Variants in AGBL4 observed in about 807,000 individuals in gnomAD.
The protein encoded by AGBL4 is AGBL carboxypeptidase 4.
AGBL4 carries 58 observed loss-of-function variants against 66.4 expected under a neutral mutation model. The ratio of observed to expected loss-of-function variants is 0.87; its 90% CI spans 0.71 to 1.09. The LOEUF (loss-of-function observed/expected upper bound fraction) is 1.09. AGBL4 is among the 50% of genes least tolerant of loss of function. AGBL4 has a pLI of 0.00. For synonymous variants in AGBL4, 234 were observed against 222.9 expected (o/e 1.05, Z -0.44); for missense variants, 579 against 631.0 (o/e 0.92, Z 0.88).
intron 3 of AGBL4, among the ~76,000 whole-genome samples, chr1:49,638,490 T>C (rs568069517): frequency 2.0e-5 from 3 of 152,324 alleles, no homozygotes; most frequent in South Asian, 2.1e-4. Context: ...AGTACGGATA[T>C]AGTTTCGCTG....
intron 3 of AGBL4, among the ~76,000 whole-genome samples, chr1:49,611,438 G>T (rs569286443): frequency 1.4e-5 from 2 of 147,546 alleles, no homozygotes; most frequent in Non-Finnish European, 3.0e-5. Context: ...GTGCAGTGGC[G>T]CAATCTCAAC....
rs1165580889 is a variant in AGBL4 at position 48,590,830 on chromosome 1, T to C, written c.1104+3A>G. On this transcript the variant is annotated splice_donor_region_variant and intron_variant, in intron 10 of 13. Coordinates refer to ENST00000371839, the MANE Select transcript of AGBL4 (RefSeq NM_032785.4). ...GCTGGCTGAGAGAGAACTCCTGGCT[T>C]ACATAGGAGAAGTCCTCAGCATTCT... 6.3e-6 allele frequency: 10 copies of C among 1,596,310 alleles called. No homozygotes were observed. The highest frequency in any genetic ancestry group is 8.5e-6 in the Non-Finnish European group (10 of 1,171,144).
intron 6 of AGBL4, among the ~76,000 whole-genome samples, chr1:48,844,149 C>G (rs1448165546): frequency 1.3e-5 from 2 of 152,194 alleles, no homozygotes; most frequent in East Asian, 3.9e-4. Flanking sequence ...CCTGCTCCAG[C>G]CTCCTGGGCC....
intron 6 of AGBL4, among the ~76,000 whole-genome samples, chr1:48,702,921 G>A (rs1646825320): frequency 6.6e-6 from 1 of 152,142 alleles, no homozygotes; most frequent in African/African-American, 2.4e-5. Context: ...TTGAATTTCA[G>A]GTCTAAATCT....
intron 6 of AGBL4, among the ~76,000 whole-genome samples, chr1:48,764,783 C>A (rs2148671742): frequency 6.6e-6 from 1 of 152,278 alleles, no homozygotes; most frequent in East Asian, 1.9e-4. Flanking sequence ...CAAGTAGGAT[C>A]AAATCAGCTC....
chr1:49,974,910 GA>G (rs1207993464), intron 1 of AGBL4, among the ~76,000 whole-genome samples: 1 of 151,996 alleles, frequency 6.6e-6, no homozygotes, highest in African/African-American at 2.4e-5. Context: ...ACAAAACCTG[GA>G]AAAAATAAAT....
intron 5 of AGBL4, among the ~76,000 whole-genome samples, chr1:48,911,618 T>G (rs1195611612): frequency 1.0e-5 from 1 of 95,996 alleles, no homozygotes; most frequent in East Asian, 2.7e-4. Flanking sequence ...AAACTCCGTC[T>G]CAAAAAAAAA....
At chr1:48,924,339 C>T (rs1654343936) in intron 5 of AGBL4, among the ~76,000 whole-genome samples, 1 of 151,890 alleles carries the variant, frequency 6.6e-6, no homozygotes, top group Non-Finnish European at 1.5e-5. Context: ...TCATGGGTCT[C>T]TATTTGTTCT....
rs958373171 is a variant in AGBL4, at chr1:48,862,492, T to G, written c.634+4699A>C. Among the ~76,000 whole-genome samples, 6 of 151,938 alleles carry G rather than the reference T, an allele frequency of 3.9e-5. No individual in the cohort carries two copies. In the South Asian group the frequency reaches 8.3e-4, roughly 21 times the overall value. ...GCCCGCCACCACGCTCGGCTAATTT[T>G]TTGTATTTTTAGTAGAGACAGGGCT... is the stretch of plus-strand genomic sequence containing the variant. On this transcript the variant is annotated intron_variant, in intron 6 of 13. Transcript: ENST00000371839.
chr1:49,079,328 T>C (rs1422812769), intron 4 of AGBL4, among the ~76,000 whole-genome samples: 2 of 152,076 alleles, frequency 1.3e-5, no homozygotes, highest in South Asian at 2.1e-4. Flanking sequence ...GGGTAATTCA[T>C]AAAGGAAAGA....
chr1:49,730,585 G>A (rs1020305977), intron 2 of AGBL4, among the ~76,000 whole-genome samples: 12 of 152,148 alleles, frequency 7.9e-5, no homozygotes, highest in Admixed American at 3.3e-4. Flanking sequence ...TGCAGTTGCT[G>A]GTATCTCTGA....
At chr1:49,341,690 G>A (rs1440443325) in intron 3 of AGBL4, among the ~76,000 whole-genome samples, 4 of 152,134 alleles carry the variant, frequency 2.6e-5, no homozygotes, top group Admixed American at 6.5e-5. Flanking sequence ...AGGATCATAG[G>A]ACGTGAGAAA....
chr1:49,617,336 G>A (rs1251012702), intron 3 of AGBL4, among the ~76,000 whole-genome samples: 2 of 152,106 alleles, frequency 1.3e-5, no homozygotes, highest in African/African-American at 2.4e-5. Flanking sequence ...TTCTCAGTGA[G>A]ATATTCCCTG....
At chr1:49,648,192 G>C (rs1306279955) in intron 3 of AGBL4, among the ~76,000 whole-genome samples, 1 of 152,014 alleles carries the variant, frequency 6.6e-6, no homozygotes, top group Non-Finnish European at 1.5e-5. Context: ...AGAAATTCTA[G>C]GGATTTAAAC....
At chr1:49,894,683 A>G (rs1649008552) in intron 1 of AGBL4, among the ~76,000 whole-genome samples, 1 of 152,116 alleles carries the variant, frequency 6.6e-6, no homozygotes, top group Non-Finnish European at 1.5e-5. Context: ...AGAATTAGTG[A>G]GCTCAAAGAC....
In AGBL4 at chr1:48,534,265, G is replaced by T. The variant is rs560172694; in HGVS notation, c.1420C>A (p.Pro474Thr). 57 of 1,551,510 alleles carry T rather than the reference G, an allele frequency of 3.7e-5. No individual in the cohort carries two copies. The South Asian group carries it at 6.8e-4, about 18-fold the overall frequency. Residue 474 changes from proline to threonine, a missense_variant, in exon 14 of 14, where the codon CCA becomes ACA. By Grantham distance (38) the Pro-to-Thr change is conservative (BLOSUM62 -1). Coordinates refer to ENST00000371839, the MANE Select transcript of AGBL4 (RefSeq NM_032785.4). ...TTGCTGGCTGGGCCCCGCAGGAGTG[G>T]GTGCTTGTAAGGAGGGGATTTTTCT... ...RKEKSPPYKH[P>T]LLRGPASNYP...
intron 9 of AGBL4, among the ~76,000 whole-genome samples, chr1:48,599,311 TTAAG>T (rs1169863766): frequency 2.6e-5 from 4 of 152,252 alleles, no homozygotes; most frequent in African/African-American, 4.8e-5. Flanking sequence ...CGTATTATTA[TTAAG>T]TGTTATGTAT....
chr1:49,846,083 T>A, intron 2 of AGBL4: 2 of 1,558,828 alleles, frequency 1.3e-6, no homozygotes, highest in Non-Finnish European at 1.8e-6. Flanking sequence ...AGAGAAACCC[T>A]ATGAATGTAA....
At chr1:48,761,611 G>T in intron 6 of AGBL4, 1 of 846,354 alleles carries the variant, frequency 1.2e-6, no homozygotes, top group Non-Finnish European at 1.8e-6. Flanking sequence ...CTCAAGGCTG[G>T]TTCCCTCTTG....
Sources: gnomAD v4.1 joint callset for allele counts (sites outside exome capture counted in the v4.1 genomes callset) on GRCh38, gnomAD v4.1.1 for gene constraint, MANE v1.5 for transcripts, NCBI Gene and HGNC (gene_info 2026-07-23, HGNC 2026-07-21) for gene names.